SSBP3: variants seen among roughly 807,000 people sequenced by gnomAD.
SSBP3 encodes the protein single stranded DNA binding protein 3, also known as single-stranded DNA-binding protein 3.
Under a neutral mutation model 69.6 loss-of-function variants are expected in SSBP3, and 5 were observed. The observed-to-expected ratio is 0.07, with a 90% CI of 0.04 to 0.15. The LOEUF (loss-of-function observed/expected upper bound fraction) is 0.15, where lower values mean the gene tolerates loss of function less well. Ranked by LOEUF, SSBP3 falls within the 10% of genes least tolerant of loss-of-function variation. The probability of loss-of-function intolerance (pLI) is 1.00; values close to 1 mark genes in which losing one functional copy is unlikely to be tolerated. For synonymous variants in SSBP3, 196 were observed against 193.4 expected (o/e 1.01, Z -0.11); for missense variants, 312 against 534.0 (o/e 0.58, Z 4.10).
intron 4 of SSBP3, chr1:54,286,858 G>A (rs590935): frequency 0.17 from 26,274 of 152,116 alleles, 2,385 homozygotes; most frequent in Non-Finnish European, 0.2. Flanking sequence ...ACCCTGTGCC[G>A]GGCATAGGGA....
chr1:54,344,058 G>T (rs1029850835), intron 4 of SSBP3, among the ~76,000 whole-genome samples: 1 of 152,172 alleles, frequency 6.6e-6, no homozygotes, highest in Admixed American at 6.5e-5. Context: ...AGCACCTGGG[G>T]GTGCGGGGCA....
chr1:54,324,312 G>C lies in SSBP3; in HGVS notation c.277-42785C>G, dbSNP rs190719889. 1.7e-3 allele frequency among the ~76,000 whole-genome samples: 253 copies of C among 152,280 alleles called. 2 individuals carry two copies. Among genetic ancestry groups the C allele is most frequent in the Admixed American group, 0.016 (238 of 15,294 alleles). On this transcript the variant is annotated intron_variant, in intron 4 of 17. Transcript: ENST00000610401. The stretch of plus-strand genomic sequence containing the variant: ...TTGGCAATCAGAAAAGTCAGGCAAG[G>C]GGTTGGTCCCTTCCAGACAGTCCTT...
chr1:54,272,609 C>T (rs755604128), intron 5 of SSBP3, among the ~76,000 whole-genome samples: 2 of 152,100 alleles, frequency 1.3e-5, no homozygotes, highest in Non-Finnish European at 2.9e-5. Flanking sequence ...ACTCTCCAGC[C>T]CCGCAGGGGT....
chr1:54,342,894 C>T (rs764094979), intron 4 of SSBP3, among the ~76,000 whole-genome samples: 6 of 152,190 alleles, frequency 3.9e-5, no homozygotes, highest in Admixed American at 1.3e-4. Context: ...TGAGCTGACA[C>T]GCTTTGAGCT....
chr1:54,404,810 G>C (rs1279971265), intron 2 of SSBP3, 48 bp downstream of exon 2: 22 of 729,766 alleles, frequency 3.0e-5, no homozygotes, highest in Non-Finnish European at 4.2e-5. Context: ...AAGAATAGTG[G>C]GGGGGGGGGG....
chr1:54,233,871 G>A (rs1201552432), intron 14 of SSBP3, among the ~76,000 whole-genome samples: 12 of 152,228 alleles, frequency 7.9e-5, no homozygotes, highest in African/African-American at 1.7e-4. Context: ...CACTGAGAAC[G>A]GGCCAGGATG....
At chr1:54,275,108 C>A (rs1645260290) in intron 5 of SSBP3, among the ~76,000 whole-genome samples, 1 of 152,226 alleles carries the variant, frequency 6.6e-6, no homozygotes, top group African/African-American at 2.4e-5. Flanking sequence ...AGACTATGAG[C>A]CCCTTGAGGG....
upstream of SSBP3, among the ~76,000 whole-genome samples, chr1:54,408,901 G>A (rs563901181): frequency 5.9e-5 from 9 of 152,292 alleles, no homozygotes; most frequent in East Asian, 1.7e-3. Flanking sequence ...TAGATCCCTT[G>A]TTGGAGCTAA....
chr1:54,311,190 G>C (rs1395442591), intron 4 of SSBP3, among the ~76,000 whole-genome samples: 1 of 152,204 alleles, frequency 6.6e-6, no homozygotes, highest in African/African-American at 2.4e-5. Context: ...GGGAAGGTCT[G>C]GCGCTGGGCA....
Position 54,228,225 on chromosome 1 carries a change from C to G in SSBP3, c.1137+30G>C, listed in dbSNP as rs114408769. 7.6e-5 allele frequency: 122 copies of G among 1,601,048 alleles called. 3 individuals are homozygous for G. In the South Asian group the frequency reaches 1.3e-3, roughly 17 times the overall value. ...GGAAAGAGTCCCCAGGCCGTGGGGA[C>G]GAGAGCAACAGGCAGGGGGCGAGGC... On this transcript the variant is annotated intron_variant, in intron 17 of 17. Coordinates refer to ENST00000610401, the Ensembl canonical transcript of SSBP3.
intron 7 of SSBP3, among the ~76,000 whole-genome samples, chr1:54,255,025 G>T (rs1204150396): frequency 1.3e-5 from 2 of 151,844 alleles, no homozygotes; most frequent in East Asian, 1.9e-4. Flanking sequence ...TAGAGACAGG[G>T]TTTCACCATG....
At chr1:54,313,435 CTTTTTTT>C (rs752753963) in intron 4 of SSBP3, among the ~76,000 whole-genome samples, 7 of 86,410 alleles carry the variant, frequency 8.1e-5, no homozygotes, top group Non-Finnish European at 1.4e-4. Context: ...TGTGCCTGTG[CTTTTTTT>C]TTTTTTTTTT....
chr1:54,316,668 A>T (rs866213519), intron 4 of SSBP3, among the ~76,000 whole-genome samples: 1 of 45,560 alleles, frequency 2.2e-5, no homozygotes, highest in Non-Finnish European at 3.9e-5. Context: ...AATAAAATAA[A>T]TAAATAAATA....
chr1:54,319,068 C>G (rs1646167168), intron 4 of SSBP3, among the ~76,000 whole-genome samples: 1 of 152,164 alleles, frequency 6.6e-6, no homozygotes, highest in Non-Finnish European at 1.5e-5. Context: ...GCAGACCACG[C>G]TCAATGGAGT....
chr1:54,284,103 CT>C (rs5774181), intron 4 of SSBP3, among the ~76,000 whole-genome samples: 11,148 of 87,444 alleles, frequency 0.13, 670 homozygotes, highest in African/African-American at 0.17. Context: ...TATTTAACCA[CT>C]TTTTTTTTTT....
At chr1:54,363,861 T>C (rs2100645474) in intron 4 of SSBP3, among the ~76,000 whole-genome samples, 1 of 152,304 alleles carries the variant, frequency 6.6e-6, no homozygotes, top group South Asian at 2.1e-4. Flanking sequence ...ACAGGGTGAT[T>C]TGCATAGAGC....
rs575510501 is a variant in SSBP3, at chr1:54,255,049, T to A, written c.507+2078A>T. 1.3e-4 allele frequency among the ~76,000 whole-genome samples: 19 copies of A among 150,442 alleles called. No homozygotes were observed. In the East Asian group the frequency reaches 3.8e-3, roughly 30 times the overall value. ...GGTTTCACCATGTTGGCCAGGCCAGTCTCGAACTCCTGATCAAGTGATCCA... is the reference window on the plus strand; with the variant it reads ...GGTTTCACCATGTTGGCCAGGCCAGACTCGAACTCCTGATCAAGTGATCCA... On this transcript the variant is annotated intron_variant, in intron 7 of 17. Coordinates refer to ENST00000610401, the Ensembl canonical transcript of SSBP3.
chr1:54,292,892 G>A (rs1029089072), intron 4 of SSBP3, among the ~76,000 whole-genome samples: 7 of 151,962 alleles, frequency 4.6e-5, no homozygotes, highest in Admixed American at 2.6e-4. Context: ...GCCCCTCCAC[G>A]AGGCATCACA....
At chr1:54,245,478 A>G (rs1644717726) in intron 9 of SSBP3, among the ~76,000 whole-genome samples, 1 of 152,216 alleles carries the variant, frequency 6.6e-6, no homozygotes, top group Admixed American at 6.5e-5. Flanking sequence ...CACAGAGCCA[A>G]TATTGGGCTG....
Sources: allele counts gnomAD v4.1 joint callset (sites outside exome capture counted in the v4.1 genomes callset), GRCh38; gene constraint gnomAD v4.1.1; transcripts MANE v1.5; gene names NCBI Gene and HGNC (gene_info 2026-07-23, HGNC 2026-07-21).